Variants in PDE10A observed in about 807,000 individuals in gnomAD.
PDE10A encodes phosphodiesterase 10A.
A neutral mutation model predicts 97.7 loss-of-function variants in PDE10A; 39 were observed. The ratio of observed to expected loss-of-function variants is 0.40; its 90% CI spans 0.31 to 0.52. PDE10A has a LOEUF of 0.52. Ranked by LOEUF, PDE10A falls within the 20% of genes least tolerant of loss-of-function variation. PDE10A has a pLI of 0.56. For missense variants in PDE10A, 731 were observed against 1,047.8 expected, an observed-to-expected ratio of 0.70 and a Z score of 4.17; for synonymous variants, 371 against 376.8, an observed-to-expected ratio of 0.98 and a Z score of 0.18.
intron 1 of PDE10A, among the ~76,000 whole-genome samples, chr6:165,743,851 G>A (rs1296329764): frequency 6.6e-6 from 1 of 152,222 alleles, no homozygotes; most frequent in Non-Finnish European, 1.5e-5. Flanking sequence ...AAAAGACAGA[G>A]ACTCCATGTG....
At chr6:165,916,042 A>G (rs932257035) in intron 1 of PDE10A, among the ~76,000 whole-genome samples, 1 of 152,240 alleles carries the variant, frequency 6.6e-6, no homozygotes, top group Non-Finnish European at 1.5e-5. Context: ...CTAAATTTGG[A>G]TGTAAACAAC....
chr6:165,387,434 G>GA (rs1438944082), intron 17 of PDE10A, among the ~76,000 whole-genome samples: 69 of 151,466 alleles, frequency 4.6e-4, no homozygotes, highest in African/African-American at 1.6e-3. Flanking sequence ...ACTGAGGGGA[G>GA]AAAAAAAAAT....
chr6:165,863,861 A>G (rs1780971411), intron 1 of PDE10A, among the ~76,000 whole-genome samples: 1 of 152,248 alleles, frequency 6.6e-6, no homozygotes, highest in South Asian at 2.1e-4. Flanking sequence ...TGAAATGTGC[A>G]TGAATAGGTG....
intron 2 of PDE10A, among the ~76,000 whole-genome samples, chr6:165,518,828 A>ATCTT: frequency 6.6e-6 from 1 of 152,186 alleles, no homozygotes; most frequent in Non-Finnish European, 1.5e-5. Context: ...AGCACAAGAT[A>ATCTT]AGTGCTTCTC....
At chr6:165,446,402 T>G (rs906143896) in intron 5 of PDE10A, among the ~76,000 whole-genome samples, 2 of 152,050 alleles carry the variant, frequency 1.3e-5, no homozygotes, top group African/African-American at 4.8e-5. Context: ...AACACTTGAG[T>G]GAACTTAAGA....
chr6:165,903,072 ACT>A (rs1216758690), intron 1 of PDE10A, among the ~76,000 whole-genome samples: 1 of 152,066 alleles, frequency 6.6e-6, no homozygotes, highest in African/African-American at 2.4e-5. Context: ...CCTACATTTA[ACT>A]CTTTGTCAAG....
intron 1 of PDE10A, among the ~76,000 whole-genome samples, chr6:165,863,350 A>G (rs1399889096): frequency 6.6e-6 from 1 of 152,232 alleles, no homozygotes; most frequent in Non-Finnish European, 1.5e-5. Flanking sequence ...GCCTTAAATG[A>G]AGCCCCACAT....
At chr6:165,806,111 C>T (rs1397982690) in intron 1 of PDE10A, among the ~76,000 whole-genome samples, 1 of 142,370 alleles carries the variant, frequency 7.0e-6, no homozygotes, top group Non-Finnish European at 1.5e-5. Context: ...GCCTCATCCT[C>T]TATCTATACA....
At chr6:165,454,986 C>T (rs1022611241) in intron 3 of PDE10A, among the ~76,000 whole-genome samples, 3 of 152,088 alleles carry the variant, frequency 2.0e-5, no homozygotes, top group Non-Finnish European at 4.4e-5. Context: ...GAGAAGAATC[C>T]TACTATGCCA....
chr6:165,858,568 G>A (rs957883639), intron 1 of PDE10A, among the ~76,000 whole-genome samples: 2 of 152,150 alleles, frequency 1.3e-5, no homozygotes. Context: ...GATTGCCCCC[G>A]AGGTCCACAG....
chr6:165,364,877 G>A (rs1026525913), intron 18 of PDE10A, among the ~76,000 whole-genome samples: 8 of 151,860 alleles, frequency 5.3e-5, no homozygotes, highest in Non-Finnish European at 8.8e-5. Context: ...ACATCAACAA[G>A]GAAACAAAAG....
chr6:165,424,312 T>C (rs220809), intron 10 of PDE10A, among the ~76,000 whole-genome samples: 100,053 of 152,028 alleles, frequency 0.66, 33,154 homozygotes, highest in Middle Eastern at 0.84. Flanking sequence ...TCCCCACAGA[T>C]TAGAACCTCA....
At chr6:165,352,569 A>T (rs1032810054) in intron 18 of PDE10A, among the ~76,000 whole-genome samples, 28 of 152,206 alleles carry the variant, frequency 1.8e-4, no homozygotes, top group African/African-American at 6.5e-4. Context: ...ATATTTACCA[A>T]GCTCATAAAC....
chr6:165,621,469 C>T (rs1000135364), intron 1 of PDE10A, among the ~76,000 whole-genome samples: 1 of 152,080 alleles, frequency 6.6e-6, no homozygotes, highest in African/African-American at 2.4e-5. Flanking sequence ...TAAAGAAACA[C>T]AGGATTGGCC....
chr6:165,662,043 C>G lies in PDE10A; in HGVS notation c.769G>C (p.Ala257Pro). ...RPQGASFALAAAAALLFGSDM... is the reference protein window; with the variant it reads ...RPQGASFALAPAAALLFGSDM... The stretch of plus-strand genomic sequence containing the variant: ...GAGCCGAAGAGCAGCGCGGCCGCGG[C>G]GGCGAGGGCGAAGCTGGCGCCCTGG... The change falls in exon 1 of 22, where the codon GCC (alanine) becomes CCC (proline). Residue 257 changes from alanine (A) to proline (P), a missense_variant. Around this residue, in one of 8 missense-constraint regions of PDE10A, gnomAD observed 181 missense variants for 159.1 expected, o/e 1.14. Coordinates refer to ENST00000539869, the MANE Select transcript of PDE10A (RefSeq NM_001385079.1). 6.8e-7 allele frequency: 1 copy of G among 1,473,844 alleles called. No individual in the cohort carries two copies. Among genetic ancestry groups the G allele is most frequent in the Non-Finnish European group, 9.0e-7 (1 of 1,105,224 alleles). 91.3% of individuals were successfully genotyped at this position (1,473,844 alleles called of 1,614,324 possible).
chr6:165,871,864 G>A (rs1052185071), intron 1 of PDE10A, among the ~76,000 whole-genome samples: 10 of 152,218 alleles, frequency 6.6e-5, no homozygotes, highest in African/African-American at 2.2e-4. Context: ...GGAGAAACAG[G>A]AGCATTTGGG....
At chr6:165,747,968 A>G (rs1257191619) in intron 1 of PDE10A, among the ~76,000 whole-genome samples, 6 of 152,206 alleles carry the variant, frequency 3.9e-5, no homozygotes, top group Admixed American at 3.9e-4. Context: ...AAACTGTGGC[A>G]GGGACCTTCC....
chr6:165,576,073 T>C (rs1192285493), intron 1 of PDE10A, among the ~76,000 whole-genome samples: 1 of 127,866 alleles, frequency 7.8e-6, no homozygotes, highest in Non-Finnish European at 1.6e-5. Flanking sequence ...ATAATAAATT[T>C]GCCTAAAGCA....
chr6:165,830,755 G>T (rs2128470988), intron 1 of PDE10A, among the ~76,000 whole-genome samples: 2 of 152,294 alleles, frequency 1.3e-5, no homozygotes, highest in Admixed American at 1.3e-4. Flanking sequence ...GCAAATAAAT[G>T]CAGAGGTAAT....
Sources: allele counts gnomAD v4.1 joint callset (sites outside exome capture counted in the v4.1 genomes callset), GRCh38; gene constraint gnomAD v4.1.1; regional missense constraint gnomAD v4.1.1; transcripts MANE v1.5; gene names NCBI Gene and HGNC (gene_info 2026-07-23, HGNC 2026-07-21).